The following DTNBP1 variants were observed in gnomAD, a reference collection of about 807,000 sequenced individuals.
DTNBP1 encodes dysbindin.
DTNBP1 carries 35 observed loss-of-function variants against 42.8 expected under a neutral mutation model. That is an observed-to-expected ratio of 0.82 (90% CI 0.63 to 1.09). DTNBP1 has a LOEUF of 1.09. Ranked by LOEUF, DTNBP1 falls within the 50% of genes least tolerant of loss-of-function variation. DTNBP1 has a pLI of 0.00. For missense variants in DTNBP1, 457 were observed against 424.2 expected, an observed-to-expected ratio of 1.08 and a Z score of -0.68; for synonymous variants, 171 against 162.2, an observed-to-expected ratio of 1.05 and a Z score of -0.41.
At chr6:15,636,210 G>A (rs1760012555) in intron 4 of DTNBP1, among the ~76,000 whole-genome samples, 1 of 143,710 alleles carries the variant, frequency 7.0e-6, no homozygotes, top group Non-Finnish European at 1.5e-5. Context: ...GAGTGCAATG[G>A]TGCAATCTTG....
chr6:15,653,374 G>A (rs1045886156), intron 1 of DTNBP1, among the ~76,000 whole-genome samples: 5 of 152,112 alleles, frequency 3.3e-5, no homozygotes, highest in African/African-American at 1.2e-4. Flanking sequence ...GGGCTCTTAT[G>A]TCTACCTTTC....
chr6:15,600,023 G>C (rs1776667010), intron 6 of DTNBP1, among the ~76,000 whole-genome samples: 1 of 151,902 alleles, frequency 6.6e-6, no homozygotes, highest in Non-Finnish European at 1.5e-5. Context: ...GCCATTTATA[G>C]CTGATAGGGT....
chr6:15,616,766 TAGAG>T (rs1415131057), intron 5 of DTNBP1, among the ~76,000 whole-genome samples: 1 of 152,166 alleles, frequency 6.6e-6, no homozygotes, highest in Admixed American at 6.5e-5. Context: ...TTTGAAGTCC[TAGAG>T]AGAGCAATTA....
At chr6:15,548,452 C>CACAG (rs781168614) in intron 7 of DTNBP1, 11,109 of 151,126 alleles carry the variant, frequency 0.074, 468 homozygotes, top group Admixed American at 0.099. Flanking sequence ...CACACACACA[C>CACAG]ACACACACAC....
At chr6:15,646,002 ATC>A (rs1282074544) in intron 3 of DTNBP1, among the ~76,000 whole-genome samples, 1 of 151,878 alleles carries the variant, frequency 6.6e-6, no homozygotes, top group African/African-American at 2.4e-5. Flanking sequence ...CAAATTAATT[ATC>A]TCTGTTTGCT....
At chr6:15,534,406 C>T (rs1160996406) in intron 7 of DTNBP1, among the ~76,000 whole-genome samples, 1 of 152,120 alleles carries the variant, frequency 6.6e-6, no homozygotes, top group Non-Finnish European at 1.5e-5. Context: ...AATCCCAGCC[C>T]TTTGGGAGGC....
At chr6:15,537,624 G>T (rs892694816) in intron 7 of DTNBP1, among the ~76,000 whole-genome samples, 2 of 152,136 alleles carry the variant, frequency 1.3e-5, no homozygotes, top group African/African-American at 2.4e-5. Flanking sequence ...CTGAGGAAGG[G>T]AGTAATTGGA....
intron 7 of DTNBP1, among the ~76,000 whole-genome samples, chr6:15,546,926 C>CTTTTT (rs10711026): frequency 8.6e-6 from 1 of 116,166 alleles, no homozygotes; most frequent in African/African-American, 3.2e-5. Flanking sequence ...TTCTTTCTTT[C>CTTTTT]TTTTTTTTTT....
chr6:15,660,392 G>A (rs1238614190), intron 1 of DTNBP1: 1 of 1,289,828 alleles, frequency 7.8e-7, no homozygotes, highest in South Asian at 1.2e-5. Flanking sequence ...CCTGAAGAAA[G>A]TGAACATCAG....
chr6:15,592,105 T>C (rs1561979267), intron 7 of DTNBP1, among the ~76,000 whole-genome samples: 1 of 152,228 alleles, frequency 6.6e-6, no homozygotes. Flanking sequence ...AGGAGGAATA[T>C]GCCTTTATAC....
At chr6:15,658,857 G>C (rs1242886300) in intron 1 of DTNBP1, among the ~76,000 whole-genome samples, 1 of 152,242 alleles carries the variant, frequency 6.6e-6, no homozygotes, top group Non-Finnish European at 1.5e-5. Context: ...CTTTAGGTGA[G>C]GGGAAAAGAT....
chr6:15,560,217 A>G (rs1162351535), intron 7 of DTNBP1, among the ~76,000 whole-genome samples: 1 of 152,098 alleles, frequency 6.6e-6, no homozygotes, highest in Non-Finnish European at 1.5e-5. Flanking sequence ...AAGGCAGGAG[A>G]ATGGCGTGAA....
intron 6 of DTNBP1, among the ~76,000 whole-genome samples, chr6:15,597,263 G>A (rs1021805229): frequency 1.3e-5 from 2 of 152,168 alleles, no homozygotes; most frequent in Admixed American, 6.5e-5. Context: ...GAATAAAGAA[G>A]AGAGGACAAC....
At chr6:15,634,758 C>A (rs1759909457) in intron 4 of DTNBP1, among the ~76,000 whole-genome samples, 1 of 152,144 alleles carries the variant, frequency 6.6e-6, no homozygotes, top group African/African-American at 2.4e-5. Context: ...GATAATCTGC[C>A]TTCCATCTTA....
chr6:15,585,898 T>C, intron 7 of DTNBP1: 4 of 1,426,666 alleles, frequency 2.8e-6, no homozygotes, highest in Non-Finnish European at 2.8e-6. Flanking sequence ...AGCAGGTTTT[T>C]CCAAAGAAAT....
intron 7 of DTNBP1, among the ~76,000 whole-genome samples, chr6:15,576,249 G>A (rs1337862908): frequency 6.6e-6 from 1 of 151,906 alleles, no homozygotes; most frequent in Non-Finnish European, 1.5e-5. Flanking sequence ...CTCCCGAGTA[G>A]CCGGGATTAC....
chr6:15,654,773 C>T (rs1761190432), intron 1 of DTNBP1, among the ~76,000 whole-genome samples: 2 of 152,244 alleles, frequency 1.3e-5, no homozygotes, highest in South Asian at 4.2e-4. Flanking sequence ...TGGTCTTTAA[C>T]CAAATTTAAT....
At chr6:15,632,369 C>T (rs1759742651) in intron 4 of DTNBP1, among the ~76,000 whole-genome samples, 1 of 152,110 alleles carries the variant, frequency 6.6e-6, no homozygotes, top group Non-Finnish European at 1.5e-5. Flanking sequence ...TATAGTTTTC[C>T]TTTTCACATT....
intron 6 of DTNBP1, among the ~76,000 whole-genome samples, chr6:15,609,885 T>C (rs569761620): frequency 6.6e-6 from 1 of 152,202 alleles, no homozygotes; most frequent in African/African-American, 2.4e-5. Flanking sequence ...AATATCCATA[T>C]CTGCAGGCCT....
Sources: gnomAD v4.1 joint callset for allele counts (sites outside exome capture counted in the v4.1 genomes callset) on GRCh38, gnomAD v4.1.1 for gene constraint, MANE v1.5 for transcripts, NCBI Gene and HGNC (gene_info 2026-07-23, HGNC 2026-07-21) for gene names.